Variants in ARFIP1 observed in about 807,000 individuals in gnomAD.
The protein encoded by ARFIP1 is arfaptin-1.
Under a neutral mutation model 42.5 loss-of-function variants are expected in ARFIP1, and 24 were observed. The observed-to-expected ratio is 0.57, with a 90% CI of 0.41 to 0.80. ARFIP1 has a LOEUF of 0.80. Ranked by LOEUF, ARFIP1 falls within the 30% of genes least tolerant of loss-of-function variation. The pLI, the probability that ARFIP1 is intolerant of heterozygous loss-of-function variation, is 0.00. For missense variants in ARFIP1, 354 were observed against 434.0 expected, an observed-to-expected ratio of 0.82 and a Z score of 1.64; for synonymous variants, 141 against 153.7, an observed-to-expected ratio of 0.92 and a Z score of 0.61.
chr4:152,829,209 A>G (rs1451714650), intron 1 of ARFIP1, among the ~76,000 whole-genome samples: 1 of 152,146 alleles, frequency 6.6e-6, no homozygotes, highest in African/African-American at 2.4e-5. Flanking sequence ...TAAGCTAGTG[A>G]TCTGTTACCA....
At chr4:152,856,697 T>A (rs116674574) in intron 2 of ARFIP1, among the ~76,000 whole-genome samples, 1 of 152,320 alleles carries the variant, frequency 6.6e-6, no homozygotes, top group Non-Finnish European at 1.5e-5. Context: ...TGTGTTCAGA[T>A]GTTAGGGTTT....
chr4:152,855,479 C>T (rs935566377), intron 2 of ARFIP1, among the ~76,000 whole-genome samples: 3 of 152,310 alleles, frequency 2.0e-5, no homozygotes, highest in Admixed American at 6.5e-5. Context: ...GGATAGAGAA[C>T]ATCTATGCCC....
chr4:152,886,210 T>A (rs2149895637), intron 7 of ARFIP1, among the ~76,000 whole-genome samples: 1 of 152,154 alleles, frequency 6.6e-6, no homozygotes, highest in Admixed American at 6.6e-5. Context: ...TAATCATTTA[T>A]TCTATCCTCC....
intron 3 of ARFIP1, among the ~76,000 whole-genome samples, chr4:152,866,354 A>G (rs949426656): frequency 1.2e-4 from 18 of 152,198 alleles, no homozygotes; most frequent in Non-Finnish European, 2.4e-4. Context: ...CGCCATTGTC[A>G]TCATGGCCCG....
chr4:152,788,777 G>T, intron 1 of ARFIP1, among the ~76,000 whole-genome samples: 1 of 146,978 alleles, frequency 6.8e-6, no homozygotes, highest in Non-Finnish European at 1.5e-5. Context: ...ATTTTATTCA[G>T]ATTACCTCAC....
intron 1 of ARFIP1, among the ~76,000 whole-genome samples, chr4:152,803,868 T>C (rs1728618591): frequency 6.6e-6 from 1 of 150,558 alleles, no homozygotes; most frequent in African/African-American, 2.4e-5. Context: ...TCTTAACTGC[T>C]CATGATAATA....
At chr4:152,891,149 G>C (rs1414040346) in intron 8 of ARFIP1, among the ~76,000 whole-genome samples, 1 of 152,126 alleles carries the variant, frequency 6.6e-6, no homozygotes, top group Non-Finnish European at 1.5e-5. Context: ...ACCTCCCAAA[G>C]GTGATTAGTA....
At chr4:152,798,163 T>C (rs1202576049) in intron 1 of ARFIP1, among the ~76,000 whole-genome samples, 1 of 152,116 alleles carries the variant, frequency 6.6e-6, no homozygotes, top group Non-Finnish European at 1.5e-5. Flanking sequence ...GGGCAGGTGC[T>C]GAGGCAGGAG....
At chr4:152,889,585 A>G (rs1230334392) in intron 8 of ARFIP1, among the ~76,000 whole-genome samples, 2 of 124,172 alleles carry the variant, frequency 1.6e-5, no homozygotes, top group East Asian at 2.2e-4. Context: ...ATAAATATAT[A>G]TACACATAAA....
At chr4:152,859,790 G>A (rs559525223) in intron 2 of ARFIP1, among the ~76,000 whole-genome samples, 52 of 150,260 alleles carry the variant, frequency 3.5e-4, no homozygotes, top group Non-Finnish European at 5.6e-4. Context: ...TAAAGGTGTC[G>A]TTTTATAAAT....
At chr4:152,875,440 A>C (rs1358339022) in intron 5 of ARFIP1, among the ~76,000 whole-genome samples, 1 of 149,654 alleles carries the variant, frequency 6.7e-6, no homozygotes, top group Non-Finnish European at 1.5e-5. Context: ...GCTATTTGGC[A>C]TCTTTCCCAA....
At chr4:152,836,495 ATG>A (rs1281331168) in intron 2 of ARFIP1, among the ~76,000 whole-genome samples, 1 of 152,166 alleles carries the variant, frequency 6.6e-6, no homozygotes, top group African/African-American at 2.4e-5. Context: ...ATGATTGTAT[ATG>A]TGTGGGTCTG....
At chr4:152,793,733 G>T (rs930095863) in intron 1 of ARFIP1, among the ~76,000 whole-genome samples, 1 of 152,166 alleles carries the variant, frequency 6.6e-6, no homozygotes, top group Non-Finnish European at 1.5e-5. Flanking sequence ...GACCATGGTT[G>T]ACAGCTGATA....
At chr4:152,808,272 G>A (rs1488399344) in intron 1 of ARFIP1, among the ~76,000 whole-genome samples, 1 of 55,402 alleles carries the variant, frequency 1.8e-5, no homozygotes, top group Non-Finnish European at 4.9e-5. Flanking sequence ...GAGCCACCAC[G>A]CCTGGCCTCC....
chr4:152,900,739 G>A (rs1291681558), intron 8 of ARFIP1, among the ~76,000 whole-genome samples: 1 of 152,174 alleles, frequency 6.6e-6, no homozygotes, highest in Non-Finnish European at 1.5e-5. Flanking sequence ...GGCAGGGAAA[G>A]CATAGAATGG....
rs1484974255 is a variant in ARFIP1, at chr4:152,889,528, T to C, written c.966+1221T>C. ...ATATATATATATATATATATATATA[T>C]ATATATACACCTATTTTTGTGTGTG... On this transcript the variant is annotated intron_variant, in intron 8 of 8. Transcript: ENST00000353617. Among the ~76,000 whole-genome samples the C allele has an allele frequency of 7.5e-5, 4 of 53,314 alleles. 1 individual carries two copies. In the South Asian group the frequency reaches 2.4e-3, roughly 32 times the overall value. The allele number at this position is 53,314 out of a possible 152,430, so 35.0% of individuals were successfully genotyped here. A position where few individuals can be genotyped will look rare whatever the true frequency, so the allele number is the denominator to read the frequency against.
chr4:152,825,983 A>G (rs936918840), intron 1 of ARFIP1, among the ~76,000 whole-genome samples: 1 of 152,164 alleles, frequency 6.6e-6, no homozygotes, highest in South Asian at 2.1e-4. Context: ...CAGAATGGCC[A>G]TGATTAAAAA....
chr4:152,808,188 C>A (rs1729137262), intron 1 of ARFIP1, among the ~76,000 whole-genome samples: 1 of 150,102 alleles, frequency 6.7e-6, no homozygotes, highest in Non-Finnish European at 1.5e-5. Context: ...CCATGTTGGT[C>A]AGGCTGGTCT....
chr4:152,819,491 T>A (rs558982116), intron 1 of ARFIP1, among the ~76,000 whole-genome samples: 7 of 152,158 alleles, frequency 4.6e-5, no homozygotes, highest in Non-Finnish European at 8.8e-5. Context: ...GTTACGTCAC[T>A]GAATCTACTG....
Sources: allele counts gnomAD v4.1 joint callset (sites outside exome capture counted in the v4.1 genomes callset), GRCh38; gene constraint gnomAD v4.1.1; transcripts MANE v1.5; gene names NCBI Gene and HGNC (gene_info 2026-07-23, HGNC 2026-07-21).